The following PNMA8A variants were observed in gnomAD, a reference collection of about 807,000 sequenced individuals.
PNMA8A encodes the protein paraneoplastic antigen-like protein 8A.
Under a neutral mutation model 26.6 loss-of-function variants are expected in PNMA8A, and 17 were observed. The observed-to-expected ratio is 0.64, with a 90% CI of 0.44 to 0.96. PNMA8A has a LOEUF of 0.96. Ranked by LOEUF, PNMA8A falls within the 40% of genes least tolerant of loss-of-function variation. The probability of loss-of-function intolerance (pLI) is 0.00; values close to 1 mark genes in which losing one functional copy is unlikely to be tolerated. For missense variants in PNMA8A, 532 were observed against 488.4 expected (o/e 1.09, Z -0.84); for synonymous variants, 224 against 182.0 (o/e 1.23, Z -1.86).
At position 46,468,367 on chromosome 19, in the gene PNMA8A, G is replaced by A. The variant is rs1969736381; in HGVS notation, c.*194C>T. ...GAAACGGCAGGCCTGGTAGAGAAAAGGGCATAGAGATCCACCTCCCTTCCC... is the reference window on the plus strand; with the variant it reads ...GAAACGGCAGGCCTGGTAGAGAAAAAGGCATAGAGATCCACCTCCCTTCCC... On this transcript the variant is annotated 3_prime_UTR_variant, in exon 3 of 3. Coordinates refer to ENST00000313683, the MANE Select transcript of PNMA8A (RefSeq NM_018215.4). The A allele has an allele frequency of 1.8e-6, 1 of 554,930 alleles. No homozygotes were observed. The highest frequency in any genetic ancestry group is 3.3e-6 in the Non-Finnish European group (1 of 303,208). The allele number at this position is 554,930 out of a possible 1,614,324, so 34.4% of individuals were successfully genotyped here. A position where few individuals can be genotyped will look rare whatever the true frequency, so the allele number is the denominator to read the frequency against.
intron 1 of PNMA8A, 80 bp downstream of exon 1, chr19:46,471,257 C>A (rs752719430): frequency 3.0e-5 from 14 of 472,110 alleles, no homozygotes; most frequent in Non-Finnish European, 4.9e-5. Context: ...CCGGTGCTCA[C>A]ACGTGTCCCT....
intron 2 of PNMA8A, among the ~76,000 whole-genome samples, 172 bp downstream of exon 2, chr19:46,469,561 C>T (rs1209574374): frequency 6.6e-6 from 1 of 152,140 alleles, no homozygotes; most frequent in African/African-American, 2.4e-5. Context: ...GGTCTGGGCT[C>T]TTACCCTCCT....
In PNMA8A at chr19:46,469,964, G is replaced by T; in HGVS notation, c.1072C>A (p.Pro358Thr). The T allele has an allele frequency of 6.2e-7, 1 of 1,613,076 alleles. No homozygotes were observed. The highest frequency in any genetic ancestry group is 1.1e-5 in the South Asian group (1 of 90,926). The change falls in exon 2 of 3, where the codon CCC becomes ACC. Residue 358 changes from proline to threonine, a missense_variant. Coordinates refer to ENST00000313683, the MANE Select transcript of PNMA8A (RefSeq NM_018215.4). ...KAVAWVSAKN[P>T]APMRKKKKVS... is the part of the protein sequence containing the mutation. ...TTCTTCTTCTTCCTCATGGGAGCGG[G>T]GTTCTTGGCAGACACCCAGGCCACG... is the stretch of plus-strand genomic sequence containing the variant.
rs1969787315 is a variant in PNMA8A, at chr19:46,471,083, A to G, written c.-48T>C. On this transcript the variant is annotated 5_prime_UTR_variant, in exon 2 of 3. Coordinates refer to ENST00000313683, the MANE Select transcript of PNMA8A (RefSeq NM_018215.4). ...GTGTAGTAAATAGTCTATCAGGTGG[A>G]CGTGGGCTGCAGCGGTCTCCAAACA... is the stretch of plus-strand genomic sequence containing the variant. 1.4e-6 allele frequency: 1 copy of G among 694,612 alleles called. No individual in the cohort carries two copies. Among genetic ancestry groups the G allele is most frequent in the Non-Finnish European group, 2.7e-6 (1 of 376,508 alleles). 43.0% of individuals were successfully genotyped at this position (694,612 alleles called of 1,614,324 possible).
In PNMA8A at chr19:46,471,350, C is replaced by T. The variant is rs1969791312; in HGVS notation, c.-93G>A. ...GCCGGGACTTACTTGGCAGATCAGC[C>T]TCCGACCGCCCAGCCAGGCCAAGGA... On this transcript the variant is annotated 5_prime_UTR_variant, in exon 1 of 3. Transcript: ENST00000313683. 1 of 222,440 alleles carries T rather than the reference C, an allele frequency of 4.5e-6. No homozygotes were observed. Among genetic ancestry groups the T allele is most frequent in the South Asian group, 1.5e-4 (1 of 6,524 alleles). 13.8% of individuals were successfully genotyped at this position (222,440 alleles called of 1,614,324 possible).
In PNMA8A at chr19:46,470,314, G is replaced by A; in HGVS notation, c.722C>T (p.Ser241Phe). ...GTTCTTCTTCTGCTTCTTTCTCCTG[G>A]AGCGAGACTTAGCTCCAGCCCTGCG... ...LVRRAGAKSR[S>F]RRKKQKKNSR... Residue 241 changes from serine to phenylalanine, a missense_variant, in exon 2 of 3, where the codon TCC becomes TTC. By Grantham distance (155) the Ser-to-Phe change is radical. Coordinates refer to ENST00000313683, the MANE Select transcript of PNMA8A (RefSeq NM_018215.4). 6 of 1,613,822 alleles carry A rather than the reference G, an allele frequency of 3.7e-6. No homozygotes were observed. Among genetic ancestry groups the A allele is most frequent in the Non-Finnish European group, 5.1e-6 (6 of 1,180,032 alleles).
At chr19:46,469,469 T>C (rs10421610) in intron 2 of PNMA8A, among the ~76,000 whole-genome samples, 148,467 of 152,190 alleles carry the variant, frequency 0.98, 72,443 homozygotes, top group East Asian at 1. Context: ...ATGACCACAG[T>C]GACACTCATT....
intron 2 of PNMA8A, 131 bp from the exon 3 acceptor site, chr19:46,468,708 C>CGGCCGGGCGCGGTGGCTCACGCCTGTAA: frequency 1.4e-6 from 1 of 710,538 alleles, no homozygotes; most frequent in Non-Finnish European, 2.5e-6. Flanking sequence ...AAACTTCACC[C>CGGCCGGGCGCGGTGGCTCACGCCTGTAA]TTAAAGCCAC....
At position 46,470,133 on chromosome 19, in the gene PNMA8A, C is replaced by T. The variant is rs753349001; in HGVS notation, c.903G>A (p.Leu301=). 6.2e-7 allele frequency: 1 copy of T among 1,611,210 alleles called. No individual in the cohort carries two copies. The highest frequency in any genetic ancestry group is 1.3e-5 in the African/African-American group (1 of 74,854). ...ATTTCGCCATGGGCTTCTTCAAAGC[C>T]AACTCCTCCTTATTCACACAGGGCT... The part of the protein sequence containing the change: ...SRKPCVNKEE[L]ALKKPMAKCA... The change falls in exon 2 of 3, where the codon TTG becomes TTA. Residue 301 remains leucine (L), a synonymous_variant. Transcript: ENST00000313683.
In PNMA8A at chr19:46,468,573, G is replaced by A. The variant is rs1428389876; in HGVS notation, c.1308C>T (p.Ser436=). ...GTGGTCCCCCAGATCAAACCTTTCTGGATTCTGCAAATAAATGAGAGAACA... is the reference window on the plus strand; with the variant it reads ...GTGGTCCCCCAGATCAAACCTTTCTAGATTCTGCAAATAAATGAGAGAACA... ...EGSPRRATNE[S]RKV is the part of the protein sequence containing the mutation. Residue 436 remains serine, a synonymous_variant, in exon 3 of 3, where the codon TCC becomes TCT. Coordinates refer to ENST00000313683, the MANE Select transcript of PNMA8A (RefSeq NM_018215.4). 2 of 1,612,238 alleles carry A rather than the reference G, an allele frequency of 1.2e-6. No homozygotes were observed. The highest frequency in any genetic ancestry group is 2.2e-5 in the East Asian group (1 of 44,880).
At position 46,467,332 on chromosome 19, in the gene PNMA8A, A is replaced by AACACACAC. The variant is rs58113099; in HGVS notation, c.*1221_*1228dup. 21,559 of 150,954 alleles carry AACACACAC rather than the reference A, an allele frequency of 0.14. 1,773 individuals carry two copies. The highest frequency in any genetic ancestry group is 0.21 in the South Asian group (1,027 of 4,794). The allele number at this position is 150,954 out of a possible 1,614,324, so 9.4% of individuals were successfully genotyped here. On this transcript the variant is annotated 3_prime_UTR_variant, in exon 3 of 3. Coordinates refer to ENST00000313683, the MANE Select transcript of PNMA8A (RefSeq NM_018215.4). ...TCTCTCCTCTACACATGCGCACGCAAACACACACACACACACACACAATGA... is the reference window on the plus strand; with the variant it reads ...TCTCTCCTCTACACATGCGCACGCAAACACACACACACACACACACACACACACAATGA...
rs893990873 is a variant in PNMA8A, at chr19:46,466,690, G to A, written c.*1871C>T. 3.9e-5 allele frequency: 6 copies of A among 152,058 alleles called. No homozygotes were observed. The highest frequency in any genetic ancestry group is 2.6e-4 in the Admixed American group (4 of 15,252). The allele number at this position is 152,058 out of a possible 1,614,324, so 9.4% of individuals were successfully genotyped here. On this transcript the variant is annotated 3_prime_UTR_variant, in exon 3 of 3. Transcript: ENST00000313683. ...TTGGCACACACCCCAGGAGAACGTC[G>A]ATGCACACAGCTGTGTAGCTGCAAA... is the stretch of plus-strand genomic sequence containing the variant.
rs769787294 is a variant in PNMA8A at position 46,470,991 on chromosome 19, C to T, written c.45G>A (p.Arg15=). The change falls in exon 2 of 3, where the codon AGG becomes AGA. Residue 15 remains arginine, a synonymous_variant. Coordinates refer to ENST00000313683, the MANE Select transcript of PNMA8A (RefSeq NM_018215.4). ...MAMNLLEDWC[R]GMEVDIHRSL... ...ACCTGTGGATGTCCACTTCCATTCC[C>T]CTGCACCAATCCTCCAGAAGGTTCA... 1.3e-6 allele frequency: 1 copy of T among 779,452 alleles called. No homozygotes were observed. The highest frequency in any genetic ancestry group is 2.4e-6 in the Non-Finnish European group (1 of 417,174). The allele number at this position is 779,452 out of a possible 1,614,324, so 48.3% of individuals were successfully genotyped here. A position where few individuals can be genotyped will look rare whatever the true frequency, so the allele number is the denominator to read the frequency against.
At position 46,470,439 on chromosome 19, in the gene PNMA8A, T is replaced by C; in HGVS notation, c.597A>G (p.Glu199=). The C allele has an allele frequency of 2.5e-6, 4 of 1,614,048 alleles. No homozygotes were observed. The highest frequency in any genetic ancestry group is 3.4e-6 in the Non-Finnish European group (4 of 1,180,018). ...AACCCACCTCTGCTGCAAGCCCCGG[T>C]TCTTTCTTCACCTTCCTCCCTGCTG... is the stretch of plus-strand genomic sequence containing the variant. The part of the protein sequence containing the change: ...ALAAGRKVKK[E]PGLAAEVGSA... Residue 199 remains glutamate, a synonymous_variant, in exon 2 of 3, where the codon GAA becomes GAG. Transcript: ENST00000313683.
Position 46,468,449 on chromosome 19 carries a change from C to A in PNMA8A, c.*112G>T. 2.1e-6 allele frequency: 2 copies of A among 937,802 alleles called. No individual in the cohort carries two copies. The highest frequency in any genetic ancestry group is 2.5e-5 in the East Asian group (1 of 39,240). The allele number at this position is 937,802 out of a possible 1,614,324, so 58.1% of individuals were successfully genotyped here. A position where few individuals can be genotyped will look rare whatever the true frequency, so the allele number is the denominator to read the frequency against. ...GTTTACCTCAGGGCCAGATCTCTAT[C>A]AACAGGGGCCCTAAGAGAGTCCAAA... On this transcript the variant is annotated 3_prime_UTR_variant, in exon 3 of 3. Coordinates refer to ENST00000313683, the MANE Select transcript of PNMA8A (RefSeq NM_018215.4).
chr19:46,470,815 C>A lies in PNMA8A; in HGVS notation c.221G>T (p.Gly74Val), dbSNP rs751094555. The change falls in exon 2 of 3, where the codon GGT becomes GTT. Residue 74 changes from glycine to valine, a missense_variant. Gly to Val is a moderately radical substitution (Grantham distance 109, BLOSUM62 -3). Coordinates refer to ENST00000313683, the MANE Select transcript of PNMA8A (RefSeq NM_018215.4). ...ENVKAALIEVGEGVNLSTIPR... is the reference protein window; with the variant it reads ...ENVKAALIEVVEGVNLSTIPR... ...GATGGTGCTCAGATTCACACCTTCA[C>A]CAACCTCAATGAGGGCAGCTTTAAC... The A allele has an allele frequency of 1.3e-5, 10 of 781,748 alleles. No individual in the cohort carries two copies. In the East Asian group the frequency reaches 2.4e-4, roughly 19 times the overall value. The allele number at this position is 781,748 out of a possible 1,614,324, so 48.4% of individuals were successfully genotyped here. A position where few individuals can be genotyped will look rare whatever the true frequency, so the allele number is the denominator to read the frequency against.
At position 46,468,452 on chromosome 19, in the gene PNMA8A, C is replaced by G; in HGVS notation, c.*109G>C. ...TACCTCAGGGCCAGATCTCTATCAA[C>G]AGGGGCCCTAAGAGAGTCCAAAGTC... On this transcript the variant is annotated 3_prime_UTR_variant, in exon 3 of 3. Coordinates refer to ENST00000313683, the MANE Select transcript of PNMA8A (RefSeq NM_018215.4). 1.0e-6 allele frequency: 1 copy of G among 977,410 alleles called. No individual in the cohort carries two copies. The highest frequency in any genetic ancestry group is 1.4e-5 in the South Asian group (1 of 72,548). 60.5% of individuals were successfully genotyped at this position (977,410 alleles called of 1,614,324 possible).
Position 46,467,032 on chromosome 19 carries a change from T to C in PNMA8A, c.*1529A>G, listed in dbSNP as rs1419740810. 1.3e-5 allele frequency: 2 copies of C among 152,204 alleles called. No homozygotes were observed. The highest frequency in any genetic ancestry group is 2.9e-5 in the Non-Finnish European group (2 of 68,050). 9.4% of individuals were successfully genotyped at this position (152,204 alleles called of 1,614,324 possible). ...TTTCAGGGTGTCAGATTATAGAACA[T>C]GCACAGGAATTTCTTCCACTTCTAA... On this transcript the variant is annotated 3_prime_UTR_variant, in exon 3 of 3. Coordinates refer to ENST00000313683, the MANE Select transcript of PNMA8A (RefSeq NM_018215.4).
In PNMA8A at chr19:46,470,245, T is replaced by C; in HGVS notation, c.791A>G (p.Asn264Ser). ...CTCCAAGTTAGCTGTGCTGTTGGAATTGATGCCTTTGGGTTTTTTCCAGGG... is the reference window on the plus strand; with the variant it reads ...CTCCAAGTTAGCTGTGCTGTTGGAACTGATGCCTTTGGGTTTTTTCCAGGG... ...AVPWKKPKGI[N>S]SNSTANLEDP... The change falls in exon 2 of 3, where the codon AAT (asparagine) becomes AGT (serine). Residue 264 changes from asparagine to serine, a missense_variant. Physicochemically the swap from Asn to Ser is conservative, Grantham distance 46 (BLOSUM62 1). Coordinates refer to ENST00000313683, the MANE Select transcript of PNMA8A (RefSeq NM_018215.4). 1.9e-6 allele frequency: 3 copies of C among 1,614,112 alleles called. No homozygotes were observed. Among genetic ancestry groups the C allele is most frequent in the Middle Eastern group, 1.6e-4 (1 of 6,062 alleles).
Sources: gnomAD v4.1 joint callset for allele counts (sites outside exome capture counted in the v4.1 genomes callset) on GRCh38, gnomAD v4.1.1 for gene constraint, MANE v1.5 for transcripts, NCBI Gene and HGNC (gene_info 2026-07-23, HGNC 2026-07-21) for gene names.